Variants in TCHP observed in about 807,000 individuals in gnomAD.
The protein encoded by TCHP is trichoplein keratin filament binding.
Under a neutral mutation model 88.7 loss-of-function variants are expected in TCHP, and 81 were observed. The observed-to-expected ratio is 0.91, with a 90% CI of 0.76 to 1.10. The LOEUF is 1.10. Ranked by LOEUF, TCHP falls within the 50% of genes least tolerant of loss-of-function variation. The pLI is 0.00. For missense variants in TCHP, 641 were observed against 632.1 expected, an observed-to-expected ratio of 1.01 and a Z score of -0.15; for synonymous variants, 232 against 232.5, an observed-to-expected ratio of 1.00 and a Z score of 0.02.
At chr12:109,914,258 A>T (rs1158126965) in intron 10 of TCHP, 184 bp from the exon 11 acceptor site, 2 of 524,180 alleles carry the variant, frequency 3.8e-6, no homozygotes, top group Non-Finnish European at 6.8e-6. Flanking sequence ...TTTCTTGTAT[A>T]CTGGCAAGCG....
At chr12:109,902,275 ATCC>A (rs1869843509) in intron 1 of TCHP, among the ~76,000 whole-genome samples, 1 of 152,080 alleles carries the variant, frequency 6.6e-6, no homozygotes, top group South Asian at 2.1e-4. Flanking sequence ...GGCTCAAGCA[ATCC>A]TCCTGCCTCA....
chr12:109,882,878 C>G, the TCHP span, among the ~76,000 whole-genome samples: 1 of 151,658 alleles, frequency 6.6e-6, no homozygotes, highest in African/African-American at 2.4e-5. Context: ...AGGCTGGTCT[C>G]AAACTCCTGA....
chr12:109,887,409 C>CAAAA, the TCHP span, among the ~76,000 whole-genome samples: 1,660 of 79,790 alleles, frequency 0.021, 26 homozygotes, highest in South Asian at 0.04. Context: ...GGCTCTGTCT[C>CAAAA]AAAAAAAAAA....
upstream of TCHP, among the ~76,000 whole-genome samples, chr12:109,895,937 T>C (rs1164623796): frequency 6.6e-6 from 1 of 152,182 alleles, no homozygotes; most frequent in Non-Finnish European, 1.5e-5. Context: ...ATTCTTTGTA[T>C]GTTCACATTT....
chr12:109,901,720 T>G (rs922660932), intron 1 of TCHP, among the ~76,000 whole-genome samples: 5 of 152,214 alleles, frequency 3.3e-5, no homozygotes, highest in Non-Finnish European at 5.9e-5. Flanking sequence ...CTGTGACTCT[T>G]TGTCCTTTTA....
intron 9 of TCHP, among the ~76,000 whole-genome samples, chr12:109,911,711 G>C (rs1870507142): frequency 6.6e-6 from 1 of 152,034 alleles, no homozygotes; most frequent in African/African-American, 2.4e-5. Flanking sequence ...GCCTCTGGGG[G>C]TGTTTCCCTT....
the TCHP span, among the ~76,000 whole-genome samples, chr12:109,880,921 C>T: frequency 6.6e-6 from 1 of 152,224 alleles, no homozygotes; most frequent in Non-Finnish European, 1.5e-5. The surrounding 1 kb of genome is among the most constrained non-coding windows in gnomAD (Gnocchi z 5.1). Flanking sequence ...TGGGTGGACA[C>T]TGCTCTCCTG....
the TCHP span, among the ~76,000 whole-genome samples, chr12:109,889,677 G>T: frequency 6.6e-6 from 1 of 152,154 alleles, no homozygotes; most frequent in Non-Finnish European, 1.5e-5. Context: ...GATTTCAATG[G>T]GTTAATGTAG....
chr12:109,913,380 T>C (rs1490547846), intron 10 of TCHP, among the ~76,000 whole-genome samples: 1 of 152,246 alleles, frequency 6.6e-6, no homozygotes, highest in Non-Finnish European at 1.5e-5. Flanking sequence ...CTTGTGCTAT[T>C]TGGCTTCAAG....
At chr12:109,911,605 C>CT (rs1386557424) in intron 9 of TCHP, among the ~76,000 whole-genome samples, 5 of 124,484 alleles carry the variant, frequency 4.0e-5, no homozygotes, top group African/African-American at 1.6e-4. Context: ...GAACGAGACT[C>CT]TGTCTCAAAA....
Position 109,903,180 on chromosome 12 carries a change from G to GTTT in TCHP, c.154_155insTTT (p.Ala52delinsValSer). ...GTCTGACATCTGCAGCTCCAAACAG[G>GTTT]CAGAATGGAGCTCTAAAACCTCCTA... On this transcript the variant is annotated protein_altering_variant, in exon 2 of 13. Transcript: ENST00000405876. The surrounding 1 kb of genome is among the most constrained non-coding windows in gnomAD (Gnocchi z 4.6). 1 of 1,613,546 alleles carries GTTT rather than the reference G, an allele frequency of 6.2e-7. No individual in the cohort carries two copies. Among genetic ancestry groups the GTTT allele is most frequent in the South Asian group, 1.1e-5 (1 of 91,028 alleles).
At position 109,914,669 on chromosome 12, in the gene TCHP, G is replaced by T. The variant is rs750492853; in HGVS notation, c.1320+42G>T. ...GGGCGGGAGGCACCGGGCCTGCCAGGTTCTCTGCATCATCATGGGACAGGG... is the reference window on the plus strand; with the variant it reads ...GGGCGGGAGGCACCGGGCCTGCCAGTTTCTCTGCATCATCATGGGACAGGG... On this transcript the variant is annotated intron_variant, in intron 11 of 12. Transcript: ENST00000405876. 1.2e-5 allele frequency: 18 copies of T among 1,546,968 alleles called. No individual in the cohort carries two copies. The African/African-American group carries it at 2.3e-4, about 20-fold the overall frequency.
the TCHP span, among the ~76,000 whole-genome samples, chr12:109,890,748 G>T: frequency 6.6e-6 from 1 of 152,130 alleles, no homozygotes; most frequent in African/African-American, 2.4e-5. Flanking sequence ...GACCTCAGGT[G>T]ATCCACCTGT....
the TCHP span, among the ~76,000 whole-genome samples, chr12:109,894,506 C>T: frequency 4.3e-5 from 6 of 139,210 alleles, no homozygotes; most frequent in African/African-American, 1.4e-4. Flanking sequence ...TGGCTCATGG[C>T]TGTAATCCCA....
At chr12:109,914,710 C>G in intron 11 of TCHP, 83 bp downstream of exon 11, 1 of 1,253,202 alleles carries the variant, frequency 8.0e-7, no homozygotes. Context: ...AGCCGCTGGA[C>G]TGCCTGGCAG....
upstream of TCHP, among the ~76,000 whole-genome samples, chr12:109,896,242 C>T (rs117230232): frequency 1.6e-4 from 25 of 152,320 alleles, 1 homozygote; most frequent in East Asian, 4.2e-3. Context: ...CCACTGTGCC[C>T]GGCCGCAGGC....
intron 1 of TCHP, among the ~76,000 whole-genome samples, chr12:109,901,909 A>G (rs1869820772): frequency 1.3e-5 from 2 of 152,220 alleles, no homozygotes; most frequent in Admixed American, 6.5e-5. Context: ...GCGTTTCTCT[A>G]ACTCGCTCGG....
At chr12:109,897,566 CTT>C (rs563239979), upstream of TCHP, among the ~76,000 whole-genome samples, 53 of 145,598 alleles carry the variant, frequency 3.6e-4, 1 homozygote, top group African/African-American at 1.2e-3. Context: ...TTCTTTCTTT[CTT>C]TTTTTTTTTT....
the TCHP span, among the ~76,000 whole-genome samples, chr12:109,883,975 G>C: frequency 6.6e-6 from 1 of 152,114 alleles, no homozygotes; most frequent in African/African-American, 2.4e-5. Flanking sequence ...TGGGCTGAGT[G>C]TCACACAATG....
Sources: allele counts gnomAD v4.1 joint callset (sites outside exome capture counted in the v4.1 genomes callset), GRCh38; gene constraint gnomAD v4.1.1; non-coding constraint Gnocchi (gnomAD v3.1); transcripts MANE v1.5; gene names NCBI Gene and HGNC (gene_info 2026-07-23, HGNC 2026-07-21).